The following CDH12 variants were observed in gnomAD, a reference collection of about 807,000 sequenced individuals.
CDH12 encodes the protein cadherin-12.
CDH12 carries 41 observed loss-of-function variants against 74.1 expected under a neutral mutation model. The observed-to-expected ratio is 0.55, with a 90% confidence interval of 0.43 to 0.72. The LOEUF (loss-of-function observed/expected upper bound fraction) is 0.72, where lower values mean the gene tolerates loss of function less well. Ranked by LOEUF, CDH12 falls within the 30% of genes least tolerant of loss-of-function variation. The pLI is 0.00. For missense variants in CDH12, 945 were observed against 977.2 expected, an observed-to-expected ratio of 0.97 and a Z score of 0.44; for synonymous variants, 399 against 355.0, an observed-to-expected ratio of 1.12 and a Z score of -1.39.
intron 1 of CDH12, among the ~76,000 whole-genome samples, chr5:22,673,974 C>A (rs1395247587): frequency 6.6e-6 from 1 of 152,166 alleles, no homozygotes; most frequent in African/African-American, 2.4e-5. Context: ...GACAACACGT[C>A]TAGGTAACAG....
At chr5:21,768,624 A>T (rs1232920993) in intron 11 of CDH12, among the ~76,000 whole-genome samples, 1 of 152,010 alleles carries the variant, frequency 6.6e-6, no homozygotes, top group Non-Finnish European at 1.5e-5. Flanking sequence ...AACATAGTTA[A>T]AACAGTTAAG....
intron 6 of CDH12, among the ~76,000 whole-genome samples, chr5:21,937,315 T>G (rs1368035510): frequency 6.6e-6 from 1 of 152,140 alleles, no homozygotes; most frequent in South Asian, 2.1e-4. Flanking sequence ...GTGATTATAT[T>G]TGCTTTTTAG....
intron 1 of CDH12, among the ~76,000 whole-genome samples, chr5:22,653,729 A>T (rs1201317692): frequency 6.6e-6 from 1 of 152,172 alleles, no homozygotes; most frequent in African/African-American, 2.4e-5. Context: ...CTAATCCTCC[A>T]ATAGCTTCCC....
chr5:22,522,027 A>G (rs1209723207), intron 1 of CDH12, among the ~76,000 whole-genome samples: 1 of 152,204 alleles, frequency 6.6e-6, no homozygotes, highest in African/African-American at 2.4e-5. Flanking sequence ...GTATGTCATT[A>G]AGCGTATCAG....
intron 6 of CDH12, among the ~76,000 whole-genome samples, chr5:21,969,370 C>A (rs1375166735): frequency 6.6e-6 from 1 of 152,104 alleles, no homozygotes; most frequent in Non-Finnish European, 1.5e-5. Flanking sequence ...GTGATCCCAG[C>A]TTTCTTGTAT....
At chr5:22,530,577 G>T (rs1428863271) in intron 1 of CDH12, among the ~76,000 whole-genome samples, 1 of 151,914 alleles carries the variant, frequency 6.6e-6, no homozygotes, top group Non-Finnish European at 1.5e-5. Context: ...ATATTTAATA[G>T]TTTAACTTGA....
At chr5:22,492,507 C>T (rs1746919269) in intron 2 of CDH12, among the ~76,000 whole-genome samples, 2 of 151,900 alleles carry the variant, frequency 1.3e-5, no homozygotes, top group South Asian at 4.2e-4. Flanking sequence ...ACCAACATCC[C>T]CAGCTAATTT....
intron 10 of CDH12, among the ~76,000 whole-genome samples, chr5:21,796,707 C>A (rs1034934033): frequency 2.6e-5 from 4 of 151,888 alleles, no homozygotes; most frequent in African/African-American, 7.2e-5. Flanking sequence ...GGATAACAGA[C>A]TTTTATACGT....
At chr5:21,753,740 G>T (rs1035340563) in intron 14 of CDH12, among the ~76,000 whole-genome samples, 1 of 152,174 alleles carries the variant, frequency 6.6e-6, no homozygotes, top group African/African-American at 2.4e-5. Context: ...TAGTGCTGGT[G>T]CTCTGTGGAC....
At chr5:21,978,163 C>T (rs559382703) in intron 5 of CDH12, among the ~76,000 whole-genome samples, 5 of 152,076 alleles carry the variant, frequency 3.3e-5, no homozygotes, top group African/African-American at 9.6e-5. Flanking sequence ...TTTTTTGAGT[C>T]GGAGTATCGC....
chr5:22,612,150 T>C (rs1737437546), intron 1 of CDH12, among the ~76,000 whole-genome samples: 1 of 152,162 alleles, frequency 6.6e-6, no homozygotes, highest in Non-Finnish European at 1.5e-5. Flanking sequence ...TTATAAATGA[T>C]CTTTCAATAC....
At chr5:22,095,909 G>T (rs1311594628) in intron 4 of CDH12, among the ~76,000 whole-genome samples, 1 of 149,134 alleles carries the variant, frequency 6.7e-6, no homozygotes, top group Non-Finnish European at 1.5e-5. Context: ...TTATTTCCGT[G>T]CCCCAACCTC....
chr5:21,893,591 G>A (rs916222171), intron 6 of CDH12, among the ~76,000 whole-genome samples: 2 of 152,104 alleles, frequency 1.3e-5, no homozygotes, highest in Non-Finnish European at 2.9e-5. Flanking sequence ...TCAACTTTTT[G>A]AAAATAAGAA....
intron 4 of CDH12, among the ~76,000 whole-genome samples, chr5:22,167,471 A>G (rs1748751590): frequency 6.6e-6 from 1 of 152,130 alleles, no homozygotes; most frequent in African/African-American, 2.4e-5. Flanking sequence ...GGGAGTTATA[A>G]CTTTAAAAGC....
intron 6 of CDH12, among the ~76,000 whole-genome samples, chr5:21,928,070 TA>T (rs1049257181): frequency 2.7e-5 from 4 of 148,482 alleles, no homozygotes; most frequent in Admixed American, 6.7e-5. Flanking sequence ...AGACTCTTCC[TA>T]AAAAAAAAAT....
intron 5 of CDH12, among the ~76,000 whole-genome samples, chr5:22,047,182 T>C (rs1740013462): frequency 6.6e-6 from 1 of 152,344 alleles, no homozygotes; most frequent in Admixed American, 6.5e-5. Flanking sequence ...AGCTATTCTC[T>C]AGCTCACACC....
intron 3 of CDH12, among the ~76,000 whole-genome samples, chr5:22,363,308 A>C (rs1429352240): frequency 1.3e-5 from 2 of 152,166 alleles, no homozygotes; most frequent in Admixed American, 6.6e-5. Flanking sequence ...GGTCTTTCTC[A>C]GCATATGTCT....
At chr5:22,311,563 G>T (rs1015903625) in intron 3 of CDH12, among the ~76,000 whole-genome samples, 6 of 151,896 alleles carry the variant, frequency 4.0e-5, no homozygotes, top group Non-Finnish European at 8.8e-5. Flanking sequence ...TTAGCCTGAC[G>T]TGGTGGCACA....
intron 3 of CDH12, among the ~76,000 whole-genome samples, chr5:22,262,836 T>A (rs1405841145): frequency 6.6e-6 from 1 of 152,078 alleles, no homozygotes; most frequent in Non-Finnish European, 1.5e-5. Context: ...TATCTCATAG[T>A]GGGATCTAAT....
Sources: allele counts gnomAD v4.1 joint callset (sites outside exome capture counted in the v4.1 genomes callset), GRCh38; gene constraint gnomAD v4.1.1; transcripts MANE v1.5; gene names NCBI Gene and HGNC (gene_info 2026-07-23, HGNC 2026-07-21).